Variants in KDM4C observed in about 807,000 individuals in gnomAD.
KDM4C encodes the protein lysine demethylase 4C.
Under a neutral mutation model 129.3 loss-of-function variants are expected in KDM4C, and 81 were observed. The ratio of observed to expected loss-of-function variants is 0.63; its 90% CI spans 0.52 to 0.75. The LOEUF (loss-of-function observed/expected upper bound fraction) is 0.75, where lower values mean the gene tolerates loss of function less well. Among genes scored for constraint, KDM4C ranks in the 30% least tolerant of loss-of-function variants. The pLI is 0.00. For missense variants in KDM4C, 1,457 were observed against 1,304.0 expected, an observed-to-expected ratio of 1.12 and a Z score of -1.81; for synonymous variants, 573 against 456.1, an observed-to-expected ratio of 1.26 and a Z score of -3.26.
intron 18 of KDM4C, among the ~76,000 whole-genome samples, chr9:7,109,011 C>T (rs1838017309): frequency 6.6e-6 from 1 of 152,206 alleles, no homozygotes; most frequent in Non-Finnish European, 1.5e-5. Context: ...AAAACATTCA[C>T]TCCCACTGTA....
chr9:6,794,049 C>G (rs781625264), intron 2 of KDM4C, among the ~76,000 whole-genome samples: 1 of 152,178 alleles, frequency 6.6e-6, no homozygotes, highest in Non-Finnish European at 1.5e-5. Flanking sequence ...CCTGCTATCA[C>G]CCCCAGCCCA....
chr9:6,878,441 G>T (rs1040060617), intron 5 of KDM4C, among the ~76,000 whole-genome samples: 1 of 152,164 alleles, frequency 6.6e-6, no homozygotes, highest in Non-Finnish European at 1.5e-5. Flanking sequence ...GGAAATACTT[G>T]TAGAAAATAA....
intron 8 of KDM4C, among the ~76,000 whole-genome samples, chr9:6,934,247 G>A (rs558944825): frequency 6.6e-6 from 1 of 151,748 alleles, no homozygotes; most frequent in Non-Finnish European, 1.5e-5. Flanking sequence ...TTTGGGAGGC[G>A]GAGGCAGGCT....
At chr9:6,834,911 A>T (rs988673341) in intron 4 of KDM4C, 3 of 1,209,572 alleles carry the variant, frequency 2.5e-6, no homozygotes, top group Non-Finnish European at 3.7e-6. Context: ...TGGTACCGTG[A>T]TGGACTCCGG....
chr9:7,139,517 G>GA (rs1841534196), intron 19 of KDM4C, among the ~76,000 whole-genome samples: 1 of 152,170 alleles, frequency 6.6e-6, no homozygotes, highest in African/African-American at 2.4e-5. Flanking sequence ...ATGTGGATGT[G>GA]AGTGCCATTG....
At chr9:7,156,496 T>C (rs886769156) in intron 19 of KDM4C, among the ~76,000 whole-genome samples, 1 of 152,232 alleles carries the variant, frequency 6.6e-6, no homozygotes, top group Non-Finnish European at 1.5e-5. Flanking sequence ...GGTCTAACAT[T>C]TAAGTCTTAA....
At chr9:7,076,591 T>A in intron 17 of KDM4C, 1 of 1,478,090 alleles carries the variant, frequency 6.8e-7, no homozygotes, top group Non-Finnish European at 9.0e-7. Context: ...GCATCGTGTT[T>A]AGGATGGGGA....
intron 8 of KDM4C, among the ~76,000 whole-genome samples, chr9:6,897,888 G>A (rs1377868255): frequency 6.6e-6 from 1 of 152,190 alleles, no homozygotes; most frequent in Non-Finnish European, 1.5e-5. Flanking sequence ...TCGTTTAGCA[G>A]TTGAAATAAG....
At chr9:7,058,056 C>T (rs1464999249) in intron 17 of KDM4C, among the ~76,000 whole-genome samples, 3 of 152,192 alleles carry the variant, frequency 2.0e-5, no homozygotes, top group African/African-American at 7.2e-5. Flanking sequence ...GATACCCTCT[C>T]ATCTATTTCT....
intron 8 of KDM4C, among the ~76,000 whole-genome samples, chr9:6,909,619 A>C (rs1011659883): frequency 6.6e-6 from 1 of 152,216 alleles, no homozygotes; most frequent in Non-Finnish European, 1.5e-5. Flanking sequence ...TATGTAAAAA[A>C]AAAATAAAAA....
chr9:6,779,435 G>GAAAT (rs1230094692), intron 1 of KDM4C, among the ~76,000 whole-genome samples: 1 of 152,012 alleles, frequency 6.6e-6, no homozygotes, highest in African/African-American at 2.4e-5. Context: ...TGGGTCTGAA[G>GAAAT]AAATAGTTCT....
intron 7 of KDM4C, among the ~76,000 whole-genome samples, chr9:6,892,816 C>G (rs1280217120): frequency 6.6e-6 from 1 of 152,072 alleles, no homozygotes; most frequent in African/African-American, 2.4e-5. Context: ...CTTGAATAAC[C>G]TGAAGATACC....
chr9:6,850,302 T>C (rs1052280309), intron 5 of KDM4C, among the ~76,000 whole-genome samples: 7 of 152,232 alleles, frequency 4.6e-5, no homozygotes, highest in African/African-American at 1.7e-4. Flanking sequence ...TATTTTAGGC[T>C]TCAAGAATTT....
chr9:7,112,634 C>T (rs898849786), intron 18 of KDM4C, among the ~76,000 whole-genome samples: 2 of 152,180 alleles, frequency 1.3e-5, no homozygotes, highest in Non-Finnish European at 2.9e-5. Flanking sequence ...AGTGAGCTTG[C>T]CCTGGCCCCC....
chr9:6,883,471 T>A (rs1305851370), intron 6 of KDM4C, among the ~76,000 whole-genome samples: 1 of 152,204 alleles, frequency 6.6e-6, no homozygotes, highest in African/African-American at 2.4e-5. Flanking sequence ...AAGAAACGGT[T>A]GGTAAACTTA....
At chr9:7,087,204 G>A (rs1476728607) in intron 17 of KDM4C, among the ~76,000 whole-genome samples, 1 of 150,940 alleles carries the variant, frequency 6.6e-6, no homozygotes, top group African/African-American at 2.4e-5. Context: ...GAAAGAGTTC[G>A]CATATAACTC....
At chr9:6,971,561 C>T (rs1033188292) in intron 8 of KDM4C, among the ~76,000 whole-genome samples, 2 of 152,166 alleles carry the variant, frequency 1.3e-5, no homozygotes, top group African/African-American at 2.4e-5. Flanking sequence ...TGATTCATTA[C>T]ATCAATGATG....
intron 15 of KDM4C, among the ~76,000 whole-genome samples, chr9:7,031,714 G>T (rs1236439854): frequency 2.0e-5 from 3 of 151,982 alleles, no homozygotes; most frequent in African/African-American, 4.8e-5. Context: ...ATAAAATATT[G>T]CTTGGTTATA....
chr9:6,781,653 A>G (rs1042607894), intron 1 of KDM4C, among the ~76,000 whole-genome samples: 5 of 152,128 alleles, frequency 3.3e-5, no homozygotes, highest in African/African-American at 1.2e-4. Context: ...TAAATAGACC[A>G]TAGAATGGAC....
Sources: allele counts gnomAD v4.1 joint callset (sites outside exome capture counted in the v4.1 genomes callset), GRCh38; gene constraint gnomAD v4.1.1; transcripts MANE v1.5; gene names NCBI Gene and HGNC (gene_info 2026-07-23, HGNC 2026-07-21).